Variants in TNFAIP8 observed in about 807,000 individuals in gnomAD.
The protein encoded by TNFAIP8 is TNF alpha induced protein 8.
In TNFAIP8, 7 loss-of-function variants were observed where a neutral mutation model predicts 13.3. The observed-to-expected ratio is 0.52, with a 90% CI of 0.30 to 0.99. The LOEUF is 0.99. TNFAIP8 is among the 50% of genes least tolerant of loss of function. The probability of loss-of-function intolerance (pLI) is 0.07; values close to 1 mark genes in which losing one functional copy is unlikely to be tolerated. For missense variants in TNFAIP8, 258 were observed against 236.9 expected (o/e 1.09, Z -0.58); for synonymous variants, 94 against 87.6 (o/e 1.07, Z -0.41).
intron 1 of TNFAIP8, among the ~76,000 whole-genome samples, chr5:119,280,688 G>A (rs747356751): frequency 6.6e-5 from 10 of 152,072 alleles, no homozygotes; most frequent in Non-Finnish European, 1.0e-4. Flanking sequence ...TAATTCAGTG[G>A]GGGCAATTGC....
chr5:119,372,290 C>T (rs1200838679), intron 1 of TNFAIP8, among the ~76,000 whole-genome samples: 2 of 148,332 alleles, frequency 1.3e-5, no homozygotes, highest in Admixed American at 1.3e-4. Flanking sequence ...TGCCACTTCA[C>T]TCCAGCTTAG....
intron 1 of TNFAIP8, among the ~76,000 whole-genome samples, chr5:119,308,702 A>G (rs1003795798): frequency 2.0e-5 from 3 of 151,820 alleles, no homozygotes; most frequent in Admixed American, 6.6e-5. Flanking sequence ...TCTCTACTAA[A>G]ACTACAAAAA....
Position 119,356,053 on chromosome 5 carries a change from G to A in TNFAIP8, c.-38G>A, listed in dbSNP as rs937421978. The A allele has an allele frequency of 1.9e-6, 3 of 1,559,460 alleles. No individual in the cohort carries two copies. The highest frequency in any genetic ancestry group is 2.6e-6 in the Non-Finnish European group (3 of 1,151,344). Reference sequence around the variant, plus strand: ...ACTTGCGGCTCGTCCGAGTACATGTGAGCGGTAATCGCCCCTGCAGCTGGT... The same window carrying A: ...ACTTGCGGCTCGTCCGAGTACATGTAAGCGGTAATCGCCCCTGCAGCTGGT... On this transcript the variant is annotated 5_prime_UTR_variant, in exon 1 of 2. It removes the in-frame stop codon of an upstream open reading frame in the 5' UTR. Coordinates refer to ENST00000504771, the MANE Select transcript of TNFAIP8 (RefSeq NM_014350.4).
chr5:119,300,205 T>A (rs1749342408), intron 1 of TNFAIP8, among the ~76,000 whole-genome samples: 1 of 152,238 alleles, frequency 6.6e-6, no homozygotes, highest in Admixed American at 6.5e-5. Flanking sequence ...TCTGTGTCGC[T>A]CACGCCGGGA....
chr5:119,383,326 T>C (rs1752555840), intron 1 of TNFAIP8, among the ~76,000 whole-genome samples: 1 of 152,226 alleles, frequency 6.6e-6, no homozygotes, highest in African/African-American at 2.4e-5. Context: ...GTGTAATTAC[T>C]AACAGCACTG....
chr5:119,348,772 C>G (rs1380868990), intron 1 of TNFAIP8, among the ~76,000 whole-genome samples: 4 of 149,218 alleles, frequency 2.7e-5, no homozygotes, highest in Non-Finnish European at 5.9e-5. Context: ...CTCAGCTACT[C>G]GGGAGATTGA....
At chr5:119,388,493 A>G (rs759152013) in intron 1 of TNFAIP8, among the ~76,000 whole-genome samples, 1 of 152,254 alleles carries the variant, frequency 6.6e-6, no homozygotes, top group Non-Finnish European at 1.5e-5. Flanking sequence ...CACAGTGAAC[A>G]TGATACACAG....
Position 119,283,026 on chromosome 5 carries a change from T to A in TNFAIP8, c.1+14119T>A, listed in dbSNP as rs1748681849. ...TGTGTTCCTCCTGGTCGGTCATACATTTCATTTATCTGCCTGGCTTCTAGA... is the reference window on the plus strand; with the variant it reads ...TGTGTTCCTCCTGGTCGGTCATACAATTCATTTATCTGCCTGGCTTCTAGA... On this transcript the variant is annotated intron_variant, in intron 1 of 1. Transcript: ENST00000274456. 3.3e-5 allele frequency among the ~76,000 whole-genome samples: 5 copies of A among 152,370 alleles called. No individual in the cohort carries two copies. In the South Asian group the frequency reaches 1.0e-3, roughly 32 times the overall value.
chr5:119,368,722 C>T (rs1019545316), intron 1 of TNFAIP8, among the ~76,000 whole-genome samples: 11 of 152,100 alleles, frequency 7.2e-5, no homozygotes, highest in African/African-American at 2.7e-4. Flanking sequence ...AATAATGATT[C>T]TTTGGGACAT....
At chr5:119,274,153 C>G (rs2150799639) in intron 1 of TNFAIP8, among the ~76,000 whole-genome samples, 1 of 152,202 alleles carries the variant, frequency 6.6e-6, no homozygotes, top group South Asian at 2.1e-4. Context: ...GAGCTCTCTT[C>G]TGACTGTGTT....
chr5:119,386,011 G>A (rs1752655104), intron 1 of TNFAIP8, among the ~76,000 whole-genome samples: 1 of 152,118 alleles, frequency 6.6e-6, no homozygotes, highest in Admixed American at 6.5e-5. Context: ...GGCAGTTCAT[G>A]GAACCATTAG....
chr5:119,297,889 T>C (rs1351858420), intron 1 of TNFAIP8, among the ~76,000 whole-genome samples: 1 of 152,226 alleles, frequency 6.6e-6, no homozygotes, highest in African/African-American at 2.4e-5. Context: ...TTGATCTTTG[T>C]TGGTTTAAAG....
At chr5:119,298,300 T>G (rs1400389564) in intron 1 of TNFAIP8, among the ~76,000 whole-genome samples, 2 of 152,116 alleles carry the variant, frequency 1.3e-5, no homozygotes, top group East Asian at 3.9e-4. Flanking sequence ...AGGGCAGGCC[T>G]GGTGGTGACA....
chr5:119,306,494 TG>T (rs1450244892), intron 1 of TNFAIP8: 5 of 152,252 alleles, frequency 3.3e-5, no homozygotes, highest in Non-Finnish European at 7.3e-5. Context: ...CCCCTGCTCC[TG>T]GGAGGTCACC....
In TNFAIP8 at chr5:119,356,035, G is replaced by T; in HGVS notation, c.-56G>T. 2 of 1,543,244 alleles carry T rather than the reference G, an allele frequency of 1.3e-6. No individual in the cohort carries two copies. The highest frequency in any genetic ancestry group is 1.8e-6 in the Non-Finnish European group (2 of 1,140,838). The stretch of plus-strand genomic sequence containing the variant: ...GATTTCGCTGCAGAGCGAACTTGCG[G>T]CTCGTCCGAGTACATGTGAGCGGTA... On this transcript the variant is annotated 5_prime_UTR_variant, in exon 1 of 2. Coordinates refer to ENST00000504771, the MANE Select transcript of TNFAIP8 (RefSeq NM_014350.4).
intron 1 of TNFAIP8, among the ~76,000 whole-genome samples, chr5:119,283,464 TGTATTAATTAAAAAAAA>T (rs1748693140): frequency 6.6e-6 from 1 of 152,148 alleles, no homozygotes; most frequent in South Asian, 2.1e-4. Context: ...AGACCCTGTT[TGTATTAATTAAAAAAAA>T]GTAATGGAAT....
At chr5:119,389,530 C>G (rs1312115551) in intron 1 of TNFAIP8, among the ~76,000 whole-genome samples, 1 of 152,192 alleles carries the variant, frequency 6.6e-6, no homozygotes, top group Non-Finnish European at 1.5e-5. Flanking sequence ...ACAGGAATGG[C>G]TAACAGCAGT....
intron 1 of TNFAIP8, among the ~76,000 whole-genome samples, chr5:119,356,957 A>G (rs1207124955): frequency 1.3e-5 from 2 of 152,184 alleles, no homozygotes; most frequent in African/African-American, 2.4e-5. Context: ...AGAGGAGACT[A>G]TTCAAGATTG....
At chr5:119,298,544 T>A (rs978309568) in intron 1 of TNFAIP8, among the ~76,000 whole-genome samples, 52 of 151,498 alleles carry the variant, frequency 3.4e-4, no homozygotes, top group Non-Finnish European at 7.4e-4. Flanking sequence ...TTAACATTTT[T>A]TCCTTCATTT....
Sources: gnomAD v4.1 joint callset for allele counts (sites outside exome capture counted in the v4.1 genomes callset) on GRCh38, gnomAD v4.1.1 for gene constraint, MANE v1.5 for transcripts, NCBI Gene and HGNC (gene_info 2026-07-23, HGNC 2026-07-21) for gene names.